The following CFAP299 variants were observed in gnomAD, a reference collection of about 807,000 sequenced individuals.
CFAP299 encodes the protein cilia- and flagella-associated protein 299.
In CFAP299, 21 loss-of-function variants were observed where a neutral mutation model predicts 27.0. The observed-to-expected ratio is 0.78, with a 90% CI of 0.55 to 1.12. The LOEUF (loss-of-function observed/expected upper bound fraction) is 1.12. Among genes scored for constraint, CFAP299 ranks in the 50% most tolerant of loss-of-function variants. The probability of loss-of-function intolerance (pLI) is 0.00; values close to 1 mark genes in which losing one functional copy is unlikely to be tolerated. For synonymous variants in CFAP299, 104 were observed against 98.1 expected (o/e 1.06, Z -0.36); for missense variants, 310 against 276.6 (o/e 1.12, Z -0.86).
intron 3 of CFAP299, among the ~76,000 whole-genome samples, chr4:80,669,131 GTCTTTCTT>G (rs765634015): frequency 0.48 from 22,049 of 45,502 alleles, 7,350 homozygotes; most frequent in South Asian, 0.7. Context: ...TTTCTTTTCT[GTCTTTCTT>G]TCTTTCTTTC....
chr4:80,788,859 G>A (rs1013931463), intron 3 of CFAP299, among the ~76,000 whole-genome samples: 1 of 152,012 alleles, frequency 6.6e-6, no homozygotes, highest in Non-Finnish European at 1.5e-5. Context: ...ATTAGAAGTG[G>A]TTTAGGGTTA....
At chr4:80,590,730 C>G (rs954583409) in intron 3 of CFAP299, among the ~76,000 whole-genome samples, 1 of 152,066 alleles carries the variant, frequency 6.6e-6, no homozygotes, top group African/African-American at 2.4e-5. Flanking sequence ...AATAATTAAA[C>G]ATTTTTATGA....
At chr4:80,492,728 G>T (rs113258724) in intron 2 of CFAP299, among the ~76,000 whole-genome samples, 2 of 152,170 alleles carry the variant, frequency 1.3e-5, no homozygotes, top group Non-Finnish European at 2.9e-5. Context: ...AAGATGACTT[G>T]TTGCTTACAG....
At chr4:80,473,583 T>TG (rs1730120085) in intron 2 of CFAP299, among the ~76,000 whole-genome samples, 1 of 152,090 alleles carries the variant, frequency 6.6e-6, no homozygotes, top group Non-Finnish European at 1.5e-5. Flanking sequence ...AATAGATTTT[T>TG]TTTTTGAGAC....
At chr4:80,556,904 AATCTCTT>A (rs946427618) in intron 2 of CFAP299, among the ~76,000 whole-genome samples, 14 of 152,086 alleles carry the variant, frequency 9.2e-5, no homozygotes, top group Admixed American at 9.2e-4. Context: ...AGGTAAACAA[AATCTCTT>A]ATCTCTTAAT....
chr4:80,912,268 T>C (rs972653454), intron 4 of CFAP299, among the ~76,000 whole-genome samples: 1 of 152,198 alleles, frequency 6.6e-6, no homozygotes, highest in Non-Finnish European at 1.5e-5. Flanking sequence ...AAAATTAACA[T>C]TTCGGCTGCA....
intron 2 of CFAP299, among the ~76,000 whole-genome samples, chr4:80,478,912 T>G (rs1198147470): frequency 6.6e-6 from 1 of 152,018 alleles, no homozygotes; most frequent in East Asian, 1.9e-4. Context: ...CAAGTCTAAA[T>G]GTTTAAAGGA....
chr4:80,392,784 G>A (rs747237312), intron 2 of CFAP299, among the ~76,000 whole-genome samples: 1 of 151,952 alleles, frequency 6.6e-6, no homozygotes, highest in Non-Finnish European at 1.5e-5. Flanking sequence ...AAAAAGTGTA[G>A]CATATATAAT....
At chr4:80,851,233 C>A (rs1230950180) in intron 3 of CFAP299, among the ~76,000 whole-genome samples, 1 of 152,054 alleles carries the variant, frequency 6.6e-6, no homozygotes, top group Non-Finnish European at 1.5e-5. Flanking sequence ...TAAAGAGGAT[C>A]CAGTAATGAA....
chr4:80,589,301 G>A (rs1240092099), intron 3 of CFAP299, among the ~76,000 whole-genome samples: 1 of 152,012 alleles, frequency 6.6e-6, no homozygotes, highest in East Asian at 1.9e-4. Context: ...TCCAGATTCT[G>A]GGCTCATTAA....
At chr4:80,765,866 T>C (rs1320090046) in intron 3 of CFAP299, among the ~76,000 whole-genome samples, 2 of 152,046 alleles carry the variant, frequency 1.3e-5, no homozygotes, top group Non-Finnish European at 2.9e-5. Flanking sequence ...TTCAATAAAT[T>C]ACCTAGAATG....
intron 4 of CFAP299, among the ~76,000 whole-genome samples, chr4:80,922,498 G>C (rs1020708557): frequency 5.9e-5 from 9 of 151,876 alleles, no homozygotes; most frequent in Admixed American, 2.6e-4. Context: ...AAAACCTCAA[G>C]GACAGTCTGT....
At chr4:80,584,550 A>G (rs1736336369) in intron 3 of CFAP299, among the ~76,000 whole-genome samples, 1 of 151,874 alleles carries the variant, frequency 6.6e-6, no homozygotes, top group Non-Finnish European at 1.5e-5. Flanking sequence ...AACCTGTTTT[A>G]TTTCCTTCCT....
At chr4:80,959,016 T>A (rs1560493418) in intron 5 of CFAP299, among the ~76,000 whole-genome samples, 1 of 152,152 alleles carries the variant, frequency 6.6e-6, no homozygotes, top group Non-Finnish European at 1.5e-5. Context: ...AATTTTCAAA[T>A]GTGAGCAGTC....
At chr4:80,376,804 G>A (rs970890004) in intron 2 of CFAP299, among the ~76,000 whole-genome samples, 5 of 152,036 alleles carry the variant, frequency 3.3e-5, no homozygotes, top group African/African-American at 9.7e-5. Context: ...ACAGGTGCCC[G>A]CCACCACGCC....
intron 2 of CFAP299, among the ~76,000 whole-genome samples, chr4:80,509,116 C>T (rs562949780): frequency 6.6e-6 from 1 of 152,264 alleles, no homozygotes; most frequent in Non-Finnish European, 1.5e-5. Flanking sequence ...GTTTAAACCA[C>T]AGGATATAGT....
intron 3 of CFAP299, among the ~76,000 whole-genome samples, chr4:80,740,554 G>T (rs1027700853): frequency 6.6e-6 from 1 of 152,176 alleles, no homozygotes; most frequent in African/African-American, 2.4e-5. Context: ...CACTGGGACT[G>T]CACTGGGTCA....
chr4:80,640,170 C>G (rs1393311577), intron 3 of CFAP299, among the ~76,000 whole-genome samples: 1 of 152,170 alleles, frequency 6.6e-6, no homozygotes, highest in Non-Finnish European at 1.5e-5. Flanking sequence ...TGGGGCTCTT[C>G]TGAGTTCATG....
intron 5 of CFAP299, among the ~76,000 whole-genome samples, chr4:80,960,640 C>T (rs1475869411): frequency 1.3e-5 from 2 of 151,772 alleles, no homozygotes; most frequent in African/African-American, 4.8e-5. Context: ...CTCTTTGAAA[C>T]ACAAAAGGAC....
Sources: allele counts gnomAD v4.1 joint callset (sites outside exome capture counted in the v4.1 genomes callset), GRCh38; gene constraint gnomAD v4.1.1; transcripts MANE v1.5; gene names NCBI Gene and HGNC (gene_info 2026-07-23, HGNC 2026-07-21).